Variants in CDH13 observed in about 807,000 individuals in gnomAD.
The protein encoded by CDH13 is cadherin-13.
In CDH13, 24 loss-of-function variants were observed where a neutral mutation model predicts 63.8. The ratio of observed to expected loss-of-function variants is 0.38; its 90% CI spans 0.27 to 0.53. The LOEUF (loss-of-function observed/expected upper bound fraction) is 0.53, where lower values mean the gene tolerates loss of function less well. Ranked by LOEUF, CDH13 falls within the 20% of genes least tolerant of loss-of-function variation. The pLI, the probability that CDH13 is intolerant of heterozygous loss-of-function variation, is 0.85. For missense variants in CDH13, 1,049 were observed against 903.1 expected, an observed-to-expected ratio of 1.16 and a Z score of -2.07; for synonymous variants, 503 against 355.3, an observed-to-expected ratio of 1.42 and a Z score of -4.67.
intron 3 of CDH13, among the ~76,000 whole-genome samples, chr16:83,064,628 A>C (rs2031850890): frequency 6.6e-6 from 1 of 152,252 alleles, no homozygotes; most frequent in Non-Finnish European, 1.5e-5. Context: ...ACTAAGTTTT[A>C]GAAATCCAGT....
At chr16:82,658,395 G>C (rs968742379) in intron 1 of CDH13, among the ~76,000 whole-genome samples, 5 of 152,116 alleles carry the variant, frequency 3.3e-5, no homozygotes, top group African/African-American at 7.2e-5. Flanking sequence ...AACATCAATT[G>C]ATTCTTAAAT....
chr16:83,544,021 A>G (rs2075339267), intron 7 of CDH13, among the ~76,000 whole-genome samples: 1 of 152,184 alleles, frequency 6.6e-6, no homozygotes, highest in Non-Finnish European at 1.5e-5. Context: ...GGGAAATGGG[A>G]TCTTTCAATC....
rs148128996 is a variant in CDH13, at chr16:83,440,687, C to A, written c.782-45790C>A. Among the ~76,000 whole-genome samples the A allele has an allele frequency of 1.7e-3, 254 of 149,926 alleles. 1 individual carries two copies. The highest frequency in any genetic ancestry group is 5.9e-3 in the African/African-American group (241 of 40,816). On this transcript the variant is annotated intron_variant, in intron 6 of 13. Coordinates refer to ENST00000567109, the MANE Select transcript of CDH13 (RefSeq NM_001257.5). ...GTCGTCCCAGCTACTCAGGAGGCTG[C>A]GGCAGGAGAATTGCTTGAACCTGGG...
At chr16:82,802,673 G>A (rs1198531250) in intron 1 of CDH13, among the ~76,000 whole-genome samples, 1 of 152,142 alleles carries the variant, frequency 6.6e-6, no homozygotes, top group African/African-American at 2.4e-5. Flanking sequence ...TTAGGAAAGA[G>A]TACACTAAAG....
chr16:83,244,933 G>A (rs922191544), intron 5 of CDH13, among the ~76,000 whole-genome samples: 4 of 152,056 alleles, frequency 2.6e-5, no homozygotes. Flanking sequence ...AGGAAAAACG[G>A]TGTTCAGCAT....
At chr16:83,198,026 A>G (rs149363886) in intron 4 of CDH13, among the ~76,000 whole-genome samples, 3 of 152,214 alleles carry the variant, frequency 2.0e-5, no homozygotes, top group African/African-American at 7.2e-5. Flanking sequence ...ATGTTTATGC[A>G]GTTGTATGCA....
At chr16:83,034,690 A>G (rs1002145322) in intron 3 of CDH13, among the ~76,000 whole-genome samples, 2 of 152,128 alleles carry the variant, frequency 1.3e-5, no homozygotes, top group African/African-American at 4.8e-5. Context: ...TTCTATCTGG[A>G]AAAGATACTG....
At chr16:83,015,811 C>G (rs954921939) in intron 2 of CDH13, among the ~76,000 whole-genome samples, 6 of 148,682 alleles carry the variant, frequency 4.0e-5, no homozygotes, top group South Asian at 2.1e-4. Context: ...ATGGGGCTGT[C>G]TATAATCACA....
chr16:83,351,650 A>T (rs775508407), intron 6 of CDH13, among the ~76,000 whole-genome samples: 46 of 152,170 alleles, frequency 3.0e-4, no homozygotes, highest in Non-Finnish European at 5.9e-4. Context: ...AGTTGTTTTC[A>T]CTTTTCTACA....
At chr16:83,354,348 A>G (rs763494390) in intron 6 of CDH13, among the ~76,000 whole-genome samples, 25 of 152,212 alleles carry the variant, frequency 1.6e-4, no homozygotes, top group Non-Finnish European at 2.9e-4. Flanking sequence ...CCTTATTTCA[A>G]ATCAATTCTT....
In CDH13 at chr16:83,319,894, A is replaced by G. The variant is rs1369159583; in HGVS notation, c.637-24968A>G. On this transcript the variant is annotated intron_variant, in intron 5 of 13. Transcript: ENST00000567109. Reference sequence around the variant, plus strand: ...TCACCTGCTCGTTCAAAATTTTCAAAAGCCCAACGTAAATGAAATGATTAA... The same window carrying G: ...TCACCTGCTCGTTCAAAATTTTCAAGAGCCCAACGTAAATGAAATGATTAA... Among the ~76,000 whole-genome samples, 4 of 152,322 alleles carry G rather than the reference A, an allele frequency of 2.6e-5. No homozygotes were observed. The East Asian group carries it at 7.7e-4, about 29-fold the overall frequency.
chr16:83,566,874 C>T (rs1348116850), intron 7 of CDH13, among the ~76,000 whole-genome samples: 3 of 152,080 alleles, frequency 2.0e-5, no homozygotes, highest in Non-Finnish European at 4.4e-5. Flanking sequence ...AGCTCAGCAA[C>T]CAAGAGGAAA....
chr16:83,626,834 C>T (rs1045749793), intron 8 of CDH13, among the ~76,000 whole-genome samples: 1 of 152,124 alleles, frequency 6.6e-6, no homozygotes, highest in African/African-American at 2.4e-5. Context: ...TCCCTGTACC[C>T]GCTCTCCCTA....
intron 4 of CDH13, among the ~76,000 whole-genome samples, chr16:83,163,747 C>G (rs1171813386): frequency 1.3e-5 from 2 of 152,056 alleles, no homozygotes; most frequent in African/African-American, 4.8e-5. Flanking sequence ...TGTCATATAG[C>G]ATAAAGCCGC....
At chr16:82,820,171 T>G (rs917628225) in intron 1 of CDH13, among the ~76,000 whole-genome samples, 3 of 152,158 alleles carry the variant, frequency 2.0e-5, no homozygotes, top group African/African-American at 7.2e-5. Flanking sequence ...TATCATTGAT[T>G]TGTTTTTACT....
At chr16:83,602,349 G>C in intron 7 of CDH13, 105 bp from the exon 8 acceptor site, 1 of 1,093,330 alleles carries the variant, frequency 9.1e-7, no homozygotes, top group Non-Finnish European at 1.4e-6. Flanking sequence ...GCCTACCCTA[G>C]ATGGAGGAGG....
intron 5 of CDH13, among the ~76,000 whole-genome samples, chr16:83,313,123 C>T (rs141836260): frequency 1.3e-5 from 2 of 152,280 alleles, no homozygotes; most frequent in East Asian, 1.9e-4. Flanking sequence ...CATGAGTTTG[C>T]AAACTGTTTT....
rs35038319 is a variant in CDH13, at chr16:82,761,017, C to CTTTTTTTTTTT, written c.46-97326_46-97316dup. Among the ~76,000 whole-genome samples, 363 of 40,480 alleles carry CTTTTTTTTTTT rather than the reference C, an allele frequency of 9.0e-3. 83 individuals carry two copies. The highest frequency in any genetic ancestry group is 0.011 in the Non-Finnish European group (241 of 21,894). 26.6% of individuals were successfully genotyped at this position (40,480 alleles called of 152,430 possible). ...CTCTGGGGTTCACATTTCTTTCTTTCTTTTTTTTTTTTTTTTTTTTTTTTT... is the reference window on the plus strand; with the variant it reads ...CTCTGGGGTTCACATTTCTTTCTTTCTTTTTTTTTTTTTTTTTTTTTTTTTTTTTTTTTTTT... On this transcript the variant is annotated intron_variant, in intron 1 of 13. Coordinates refer to ENST00000567109, the MANE Select transcript of CDH13 (RefSeq NM_001257.5).
rs565729599 is a variant in CDH13, at chr16:83,773,987, C to T, written c.1682-5981C>T. On this transcript the variant is annotated intron_variant, in intron 11 of 13. Transcript: ENST00000567109. ...GTAGCTGGAAGACGAGGCCTCAGCTCTGGGGTCTCATTTCTGCTTCACAAA... is the reference window on the plus strand; with the variant it reads ...GTAGCTGGAAGACGAGGCCTCAGCTTTGGGGTCTCATTTCTGCTTCACAAA... Among the ~76,000 whole-genome samples the T allele has an allele frequency of 1.4e-4, 21 of 152,308 alleles. No individual in the cohort carries two copies. The East Asian group carries it at 4.1e-3, about 29-fold the overall frequency.
Sources: gnomAD v4.1 joint callset for allele counts (sites outside exome capture counted in the v4.1 genomes callset) on GRCh38, gnomAD v4.1.1 for gene constraint, MANE v1.5 for transcripts, NCBI Gene and HGNC (gene_info 2026-07-23, HGNC 2026-07-21) for gene names.